Variants in SS18 observed in about 807,000 individuals in gnomAD.
The protein encoded by SS18 is SS18 subunit of BAF chromatin remodeling complex.
A neutral mutation model predicts 72.5 loss-of-function variants in SS18; 28 were observed. The ratio of observed to expected loss-of-function variants is 0.39; its 90% CI spans 0.29 to 0.53. The LOEUF (loss-of-function observed/expected upper bound fraction) is 0.53. Ranked by LOEUF, SS18 falls within the 20% of genes least tolerant of loss-of-function variation. SS18 has a pLI of 0.76. For synonymous variants in SS18, 172 were observed against 164.2 expected (o/e 1.05, Z -0.37); for missense variants, 518 against 535.3 (o/e 0.97, Z 0.32).
At chr18:26,080,622 G>A (rs926899606) in intron 2 of SS18, among the ~76,000 whole-genome samples, 1 of 152,090 alleles carries the variant, frequency 6.6e-6, no homozygotes, top group Non-Finnish European at 1.5e-5. Context: ...TAAGACATTT[G>A]CCCAACCTTC....
At chr18:26,030,027 G>A (rs1024542895) in intron 10 of SS18, among the ~76,000 whole-genome samples, 3 of 152,130 alleles carry the variant, frequency 2.0e-5, no homozygotes, top group Admixed American at 2.0e-4. Context: ...GAGAACTTTA[G>A]AGAGTGGAAT....
chr18:26,028,890 T>A (rs1317796865), intron 10 of SS18, among the ~76,000 whole-genome samples: 2 of 152,302 alleles, frequency 1.3e-5, no homozygotes, highest in East Asian at 3.9e-4. Flanking sequence ...TACACTTTTA[T>A]TACATGCAGT....
rs775762416 is a variant in SS18 at position 26,057,788 on chromosome 18, C to T, written c.232-46G>A. On this transcript the variant is annotated intron_variant, in intron 3 of 10. Coordinates refer to ENST00000415083, the MANE Select transcript of SS18 (RefSeq NM_001007559.3). Reference sequence around the variant, plus strand: ...AAAACAAGAGAAACAGACTAATATACGAAAGATGCATAGGGTAAAAGAGTT... The same window carrying T: ...AAAACAAGAGAAACAGACTAATATATGAAAGATGCATAGGGTAAAAGAGTT... 1.6e-5 allele frequency: 24 copies of T among 1,531,754 alleles called. No individual in the cohort carries two copies. In the African/African-American group the frequency reaches 2.6e-4, roughly 17 times the overall value. The allele number at this position is 1,531,754 out of a possible 1,614,324, so 94.9% of individuals were successfully genotyped here.
intron 4 of SS18, among the ~76,000 whole-genome samples, chr18:26,056,476 G>T (rs528824509): frequency 6.6e-6 from 1 of 152,276 alleles, no homozygotes; most frequent in Admixed American, 6.5e-5. Flanking sequence ...CATATATGTT[G>T]CAAGCCTTAG....
chr18:26,048,828 T>TA (rs2053874577), intron 5 of SS18, among the ~76,000 whole-genome samples: 1 of 152,222 alleles, frequency 6.6e-6, no homozygotes, highest in Non-Finnish European at 1.5e-5. Flanking sequence ...ATGCTGTGGC[T>TA]AAAATAAGAC....
At chr18:26,058,656 C>T (rs1253824056) in intron 3 of SS18, among the ~76,000 whole-genome samples, 1 of 152,198 alleles carries the variant, frequency 6.6e-6, no homozygotes, top group Admixed American at 6.5e-5. Flanking sequence ...TTAATAGATA[C>T]ACATTGTTAT....
chr18:26,019,729 T>G (rs2143758948), intron 10 of SS18, among the ~76,000 whole-genome samples: 2 of 130,034 alleles, frequency 1.5e-5, no homozygotes, highest in Middle Eastern at 0.012. Context: ...GAGAATTGCA[T>G]GAACCCAGAA....
intron 3 of SS18, among the ~76,000 whole-genome samples, chr18:26,074,931 C>T (rs936948203): frequency 1.3e-4 from 20 of 151,826 alleles, no homozygotes; most frequent in Non-Finnish European, 2.4e-4. Flanking sequence ...ACAGTGTTGA[C>T]ATTAGGAAAA....
chr18:26,020,959 C>T (rs976369778), intron 10 of SS18, among the ~76,000 whole-genome samples: 2 of 152,050 alleles, frequency 1.3e-5, no homozygotes, highest in Non-Finnish European at 2.9e-5. Context: ...ATAATAATAC[C>T]TCAGTTTGTG....
intron 5 of SS18, among the ~76,000 whole-genome samples, chr18:26,049,443 T>C (rs60693569): frequency 6.6e-6 from 1 of 152,210 alleles, no homozygotes; most frequent in Non-Finnish European, 1.5e-5. Context: ...TGTTGAATTC[T>C]AGTGAAGTTT....
intron 5 of SS18, among the ~76,000 whole-genome samples, chr18:26,044,927 C>T (rs2053794004): frequency 6.6e-6 from 1 of 152,160 alleles, no homozygotes; most frequent in Admixed American, 6.5e-5. Context: ...TATTATCACA[C>T]ATCTGTGAGA....
chr18:26,018,466 G>A, intron 10 of SS18, 86 bp from the exon 11 acceptor site: 1 of 1,081,300 alleles, frequency 9.2e-7, no homozygotes, highest in Non-Finnish European at 1.3e-6. Context: ...TTCTAACACT[G>A]TCATACCACA....
At chr18:26,039,203 C>T (rs1321242153) in intron 6 of SS18, 86 bp downstream of exon 6, 1 of 1,014,168 alleles carries the variant, frequency 9.9e-7, no homozygotes. Context: ...AAAGAAAACG[C>T]CCTGACTTTG....
intron 2 of SS18, among the ~76,000 whole-genome samples, chr18:26,079,483 T>C (rs571684560): frequency 2.0e-4 from 31 of 152,280 alleles, no homozygotes; most frequent in African/African-American, 6.0e-4. Context: ...TAAAAATAAG[T>C]TTTTTCAGCT....
chr18:26,053,170 A>G (rs12966039), intron 4 of SS18, among the ~76,000 whole-genome samples: 8,532 of 152,266 alleles, frequency 0.056, 274 homozygotes, highest in East Asian at 0.13. Context: ...GATCGATTGA[A>G]CAGAACAGAG....
chr18:26,023,927 C>G (rs1481027448), intron 10 of SS18, among the ~76,000 whole-genome samples: 1 of 151,654 alleles, frequency 6.6e-6, no homozygotes, highest in Non-Finnish European at 1.5e-5. Context: ...ATAACGTATA[C>G]AGAAGTAAAA....
Position 26,038,635 on chromosome 18 carries a change from T to A in SS18, c.800A>T (p.Gln267Leu). Residue 267 changes from glutamine to leucine, a missense_variant, in exon 7 of 11, where the codon CAG (glutamine) becomes CTG (leucine). Gln to Leu is a moderately radical substitution (Grantham distance 113, BLOSUM62 -2). Coordinates refer to ENST00000415083, the MANE Select transcript of SS18 (RefSeq NM_001007559.3). Reference protein sequence around the residue: ...QQGPPQQYSGQEDYYGDQYSH... With the variant: ...QQGPPQQYSGLEDYYGDQYSH... ...GTATTGGTCCCCGTAATAGTCTTCC[T>A]GGCCTGAGTACTGCTGTGGTGGGCC... The A allele has an allele frequency of 6.2e-7, 1 of 1,613,552 alleles. No homozygotes were observed. The highest frequency in any genetic ancestry group is 8.5e-7 in the Non-Finnish European group (1 of 1,179,556).
chr18:26,078,855 C>A (rs774791975), intron 2 of SS18, among the ~76,000 whole-genome samples: 1 of 152,182 alleles, frequency 6.6e-6, no homozygotes, highest in Admixed American at 6.5e-5. Flanking sequence ...CCACTGCACT[C>A]CAGCCTGGGC....
At chr18:26,064,855 A>G (rs1434220068) in intron 3 of SS18, 1 of 152,098 alleles carries the variant, frequency 6.6e-6, no homozygotes, top group Non-Finnish European at 1.5e-5. Context: ...TTAAGTGCAT[A>G]GAAAACCCAA....
Sources: allele counts gnomAD v4.1 joint callset (sites outside exome capture counted in the v4.1 genomes callset), GRCh38; gene constraint gnomAD v4.1.1; transcripts MANE v1.5; gene names NCBI Gene and HGNC (gene_info 2026-07-23, HGNC 2026-07-21).